UBTD2: variants seen among roughly 807,000 people sequenced by gnomAD.
UBTD2 encodes the protein ubiquitin domain containing 2.
UBTD2 carries 9 observed loss-of-function variants against 19.8 expected under a neutral mutation model. The ratio of observed to expected loss-of-function variants is 0.46; its 90% CI spans 0.27 to 0.79. The LOEUF is 0.79. UBTD2 is among the 30% of genes least tolerant of loss of function. UBTD2 has a pLI of 0.14. For synonymous variants in UBTD2, 98 were observed against 103.9 expected, an observed-to-expected ratio of 0.94 and a Z score of 0.35; for missense variants, 250 against 300.4, an observed-to-expected ratio of 0.83 and a Z score of 1.24.
At chr5:172,269,708 T>C (rs1158819425) in intron 1 of UBTD2, among the ~76,000 whole-genome samples, 1 of 145,738 alleles carries the variant, frequency 6.9e-6, no homozygotes, top group African/African-American at 2.6e-5. Flanking sequence ...AGACACAGAC[T>C]GATTCTGTAA....
intron 2 of UBTD2, among the ~76,000 whole-genome samples, chr5:172,216,591 CAAAA>C (rs57657254): frequency 2.7e-3 from 101 of 36,928 alleles, no homozygotes; most frequent in African/African-American, 8.5e-3. Flanking sequence ...CATCTCTACC[CAAAA>C]AAAAAAAAAA....
intron 1 of UBTD2, among the ~76,000 whole-genome samples, chr5:172,257,017 A>C (rs770287854): frequency 1.7e-4 from 26 of 152,106 alleles, no homozygotes; most frequent in Non-Finnish European, 2.2e-4. Flanking sequence ...GTTCGGAGGT[A>C]TATGTGCAGG....
chr5:172,262,680 T>TG (rs1416772421), intron 1 of UBTD2, among the ~76,000 whole-genome samples: 1 of 151,686 alleles, frequency 6.6e-6, no homozygotes, highest in Non-Finnish European at 1.5e-5. Context: ...CCAGGCGTGG[T>TG]GGCACGTGCC....
At chr5:172,252,709 T>C (rs1253391874) in intron 1 of UBTD2, among the ~76,000 whole-genome samples, 1 of 152,158 alleles carries the variant, frequency 6.6e-6, no homozygotes, top group Admixed American at 6.5e-5. Context: ...AAAATGTGTA[T>C]AAACATACTT....
chr5:172,278,480 T>C (rs545250887), intron 1 of UBTD2, among the ~76,000 whole-genome samples: 29 of 150,492 alleles, frequency 1.9e-4, no homozygotes, highest in Non-Finnish European at 3.8e-4. Context: ...GATCACACCA[T>C]TGCATTCCAG....
In UBTD2 at chr5:172,212,018, T is replaced by C; in HGVS notation, c.517A>G (p.Thr173Ala). 6.2e-7 allele frequency: 1 copy of C among 1,614,228 alleles called. No individual in the cohort carries two copies. The highest frequency in any genetic ancestry group is 8.5e-7 in the Non-Finnish European group (1 of 1,180,030). ...AACCGTCTCTTCATGTGGAATACTG[T>C]GTCTGTGCTGCGAACCACAAGCTTG... ...DLKLVVRSTD[T>A]VFHMKRRLHA... The change falls in exon 3 of 3, where the codon ACA (threonine) becomes GCA (alanine). Residue 173 changes from threonine (T) to alanine (A), a missense_variant. Transcript: ENST00000393792.
intron 1 of UBTD2, chr5:172,255,194 A>G: frequency 2.2e-6 from 1 of 444,478 alleles, no homozygotes; most frequent in Non-Finnish European, 4.5e-6. Flanking sequence ...AACTTGAGAG[A>G]GGGGTGCAAA....
At chr5:172,230,787 T>TA (rs1308848865) in intron 2 of UBTD2, among the ~76,000 whole-genome samples, 20 of 118,404 alleles carry the variant, frequency 1.7e-4, no homozygotes, top group South Asian at 5.5e-4. Flanking sequence ...TTTTCCTTAT[T>TA]TTTTTTTTTT....
At chr5:172,254,923 C>A in intron 1 of UBTD2, 1 of 500,532 alleles carries the variant, frequency 2.0e-6, no homozygotes, top group Non-Finnish European at 3.8e-6. Flanking sequence ...TCCTCCTCCT[C>A]CTCCTCAAGG....
intron 1 of UBTD2, among the ~76,000 whole-genome samples, chr5:172,282,316 A>AT (rs1403216023): frequency 6.6e-6 from 1 of 152,172 alleles, no homozygotes; most frequent in Non-Finnish European, 1.5e-5. Context: ...AAAATACACT[A>AT]TAAAGTAGCA....
At chr5:172,231,799 G>A (rs1244758959) in intron 2 of UBTD2, among the ~76,000 whole-genome samples, 1 of 152,114 alleles carries the variant, frequency 6.6e-6, no homozygotes, top group Non-Finnish European at 1.5e-5. Flanking sequence ...AGAGAAGGAT[G>A]ATAAAACTAT....
At chr5:172,230,691 A>G (rs1243219680) in intron 2 of UBTD2, among the ~76,000 whole-genome samples, 1 of 152,198 alleles carries the variant, frequency 6.6e-6, no homozygotes. Flanking sequence ...AGTCAAGTCT[A>G]TGTAATAATT....
intron 2 of UBTD2, among the ~76,000 whole-genome samples, chr5:172,230,785 ATTTTT>A (rs11332821): frequency 7.0e-6 from 1 of 143,258 alleles, no homozygotes; most frequent in South Asian, 2.2e-4. Flanking sequence ...TTTTTTCCTT[ATTTTT>A]TTTTTTTTTT....
chr5:172,277,640 A>G (rs1027892465), intron 1 of UBTD2, among the ~76,000 whole-genome samples: 2 of 152,122 alleles, frequency 1.3e-5, no homozygotes, highest in African/African-American at 4.8e-5. Flanking sequence ...CCGGAGGTAG[A>G]GGCTGCAGTA....
intron 1 of UBTD2, among the ~76,000 whole-genome samples, chr5:172,250,445 C>T (rs1754979048): frequency 1.3e-5 from 2 of 152,016 alleles, no homozygotes. Context: ...CTGTAATATT[C>T]CTGTGTAATG....
chr5:172,233,667 A>C (rs1468953463), intron 2 of UBTD2, among the ~76,000 whole-genome samples: 2 of 152,130 alleles, frequency 1.3e-5, no homozygotes, highest in Admixed American at 1.3e-4. Flanking sequence ...GCTTGATGAG[A>C]AAGTATAATG....
intron 1 of UBTD2, among the ~76,000 whole-genome samples, chr5:172,244,594 G>A (rs1416253432): frequency 2.0e-5 from 3 of 151,858 alleles, no homozygotes; most frequent in Non-Finnish European, 4.4e-5. Context: ...CACTGCGCCC[G>A]GCCCCTCCCA....
At chr5:172,222,025 A>T (rs1057110242) in intron 2 of UBTD2, among the ~76,000 whole-genome samples, 7 of 152,210 alleles carry the variant, frequency 4.6e-5, no homozygotes. Flanking sequence ...TAAAATAAAT[A>T]AGGGAAAAAT....
chr5:172,222,682 A>C (rs1354788961), intron 2 of UBTD2, among the ~76,000 whole-genome samples: 1 of 152,224 alleles, frequency 6.6e-6, no homozygotes, highest in East Asian at 1.9e-4. Flanking sequence ...AATCCCAAGA[A>C]ATAGAAATGA....
Sources: gnomAD v4.1 joint callset for allele counts (sites outside exome capture counted in the v4.1 genomes callset) on GRCh38, gnomAD v4.1.1 for gene constraint, MANE v1.5 for transcripts, NCBI Gene and HGNC (gene_info 2026-07-23, HGNC 2026-07-21) for gene names.